Variants in TSFM observed in about 807,000 individuals in gnomAD.
The protein encoded by TSFM is Ts translation elongation factor, mitochondrial, also known as elongation factor Ts, mitochondrial.
A neutral mutation model predicts 33.4 loss-of-function variants in TSFM; 29 were observed. The ratio of observed to expected loss-of-function variants is 0.87; its 90% CI spans 0.65 to 1.18. The LOEUF (loss-of-function observed/expected upper bound fraction) is 1.18. Ranked by LOEUF, TSFM falls within the 50% of genes most tolerant of loss-of-function variation. The pLI, the probability that TSFM is intolerant of heterozygous loss-of-function variation, is 0.00. For missense variants in TSFM, 394 were observed against 395.6 expected, an observed-to-expected ratio of 1.00 and a Z score of 0.04; for synonymous variants, 178 against 163.5, an observed-to-expected ratio of 1.09 and a Z score of -0.68.
At chr12:57,792,636 C>CG (rs943583164) in intron 4 of TSFM, among the ~76,000 whole-genome samples, 1 of 151,732 alleles carries the variant, frequency 6.6e-6, no homozygotes, top group African/African-American at 2.4e-5. Context: ...TCTGTTTCCC[C>CG]GGCTGGAGTG....
downstream of TSFM, chr12:57,802,714 G>C: frequency 3.3e-6 from 2 of 607,878 alleles, no homozygotes; most frequent in Non-Finnish European, 2.9e-6. Context: ...ACTTTTGATA[G>C]GTGGTATCTA....
intron 4 of TSFM, among the ~76,000 whole-genome samples, chr12:57,789,121 C>T (rs1955628551): frequency 6.6e-6 from 1 of 151,926 alleles, no homozygotes; most frequent in African/African-American, 2.4e-5. Context: ...GCCATCATGC[C>T]CGGCTAATTT....
At position 57,783,202 on chromosome 12, in the gene TSFM, C is replaced by T. The variant is rs945701014; in HGVS notation, c.150C>T (p.Leu50=). Residue 50 remains leucine, a synonymous_variant, in exon 2 of 6, where the codon CTC becomes CTT. Transcript: ENST00000652027. ...CCTCGGCCTCCAGCAAGGAGCTCCT[C>T]ATGAAGCTGCGGCGGAAAACAGGCT... ...LSASASSKEL[L]MKLRRKTGYS... is the part of the protein sequence containing the mutation. 22 of 1,613,710 alleles carry T rather than the reference C, an allele frequency of 1.4e-5. No individual in the cohort carries two copies. The highest frequency in any genetic ancestry group is 1.9e-5 in the Non-Finnish European group (22 of 1,179,904).
intron 5 of TSFM, among the ~76,000 whole-genome samples, chr12:57,793,430 G>T (rs1358179477): frequency 1.3e-5 from 2 of 152,116 alleles, no homozygotes; most frequent in Non-Finnish European, 1.5e-5. Flanking sequence ...CACCGTGTTA[G>T]CCAGGATGGT....
downstream of TSFM, among the ~76,000 whole-genome samples, chr12:57,800,827 C>T (rs1186838607): frequency 6.6e-6 from 1 of 152,142 alleles, no homozygotes; most frequent in Non-Finnish European, 1.5e-5. Context: ...AGGCTGGTCT[C>T]AAACTCCTGA....
At chr12:57,783,404 G>C (rs1293565659) in intron 2 of TSFM, 121 bp downstream of exon 2, 2 of 1,258,434 alleles carry the variant, frequency 1.6e-6, no homozygotes, top group Non-Finnish European at 2.3e-6. Context: ...ACAGTCCTAA[G>C]TGGAAATCTG....
chr12:57,802,274 C>T (rs1397822579), downstream of TSFM: 1 of 1,613,840 alleles, frequency 6.2e-7, no homozygotes, highest in Non-Finnish European at 8.5e-7. Context: ...GGTGAGTGTG[C>T]AGGTACTGCT....
chr12:57,785,092 A>T (rs914470765), intron 2 of TSFM, among the ~76,000 whole-genome samples: 12 of 151,448 alleles, frequency 7.9e-5, no homozygotes, highest in Non-Finnish European at 1.8e-4. Context: ...ACGCCCGGCT[A>T]ATTTTTTGTA....
intron 4 of TSFM, among the ~76,000 whole-genome samples, chr12:57,792,379 C>G (rs1039154764): frequency 6.6e-6 from 1 of 152,192 alleles, no homozygotes; most frequent in African/African-American, 2.4e-5. Flanking sequence ...GAAACCCCAT[C>G]TCTATATTTA....
At chr12:57,793,750 T>C (rs1439657282) in intron 5 of TSFM, among the ~76,000 whole-genome samples, 1 of 152,230 alleles carries the variant, frequency 6.6e-6, no homozygotes, top group Non-Finnish European at 1.5e-5. Context: ...TAGGCAGAGA[T>C]GGCCTTTTGA....
downstream of TSFM, chr12:57,801,215 G>A: frequency 1.9e-6 from 3 of 1,612,132 alleles, no homozygotes; most frequent in Middle Eastern, 3.3e-4. Flanking sequence ...TTTCCTGCCT[G>A]AGAAGAAGAG....
At chr12:57,799,455 C>T (rs1249415218), downstream of TSFM, among the ~76,000 whole-genome samples, 1 of 152,042 alleles carries the variant, frequency 6.6e-6, no homozygotes, top group East Asian at 1.9e-4. Context: ...CAGGGCCGTG[C>T]CATATATTTT....
At position 57,783,157 on chromosome 12, in the gene TSFM, T is replaced by C. The variant is rs762763197; in HGVS notation, c.105T>C (p.Tyr35=). The change falls in exon 2 of 6, where the codon TAT becomes TAC. Residue 35 remains tyrosine (Y), a synonymous_variant. Coordinates refer to ENST00000652027, the MANE Select transcript of TSFM (RefSeq NM_005726.6). ...CGCCCCAGCCAAGGCACACATTTTATGCTGGGCCCCGTCTGTCTGCCTCGG... is the reference window on the plus strand; with the variant it reads ...CGCCCCAGCCAAGGCACACATTTTACGCTGGGCCCCGTCTGTCTGCCTCGG... ...RQSPQPRHTF[Y]AGPRLSASAS... 5 of 1,613,028 alleles carry C rather than the reference T, an allele frequency of 3.1e-6. No individual in the cohort carries two copies. The East Asian group carries it at 8.9e-5, about 29-fold the overall frequency.
At chr12:57,786,022 G>A in intron 2 of TSFM, 141 bp from the exon 3 acceptor site, 2 of 1,062,868 alleles carry the variant, frequency 1.9e-6, no homozygotes, top group Non-Finnish European at 2.6e-6. Flanking sequence ...GCATTTAGTG[G>A]TAGACTGCCA....
At chr12:57,790,060 CTTTTTTTTTTT>C (rs35382401) in intron 4 of TSFM, among the ~76,000 whole-genome samples, 1 of 105,440 alleles carries the variant, frequency 9.5e-6, no homozygotes. Flanking sequence ...TTCTTTCTTT[CTTTTTTTTTTT>C]TTTTTTTTTT....
At chr12:57,783,686 C>T (rs1422857248) in intron 2 of TSFM, 1 of 584,270 alleles carries the variant, frequency 1.7e-6, no homozygotes, top group Non-Finnish European at 3.2e-6. Flanking sequence ...CTCCGCCTCC[C>T]GGGTTCAAGC....
At chr12:57,795,141 C>A (rs750479984) in intron 5 of TSFM, among the ~76,000 whole-genome samples, 2 of 149,466 alleles carry the variant, frequency 1.3e-5, no homozygotes, top group Non-Finnish European at 3.0e-5. Context: ...CTCTTGTTGC[C>A]CAGGCTGGAG....
chr12:57,783,596 CTTTTT>C, intron 2 of TSFM: 2 of 494,884 alleles, frequency 4.0e-6, no homozygotes, highest in Non-Finnish European at 3.9e-6. Flanking sequence ...TGACTTTAGA[CTTTTT>C]TTTTTTTTTT....
downstream of TSFM, chr12:57,802,270 T>C: frequency 6.2e-7 from 1 of 1,613,960 alleles, no homozygotes; most frequent in Non-Finnish European, 8.5e-7. Context: ...CTGGGGTGAG[T>C]GTGCAGGTAC....
Sources: gnomAD v4.1 joint callset for allele counts (sites outside exome capture counted in the v4.1 genomes callset) on GRCh38, gnomAD v4.1.1 for gene constraint, MANE v1.5 for transcripts, NCBI Gene and HGNC (gene_info 2026-07-23, HGNC 2026-07-21) for gene names.